The following GABRG3 variants were observed in gnomAD, a reference collection of about 807,000 sequenced individuals.
GABRG3 encodes the protein gamma-aminobutyric acid receptor subunit gamma-3.
GABRG3 carries 25 observed loss-of-function variants against 48.8 expected under a neutral mutation model. The observed-to-expected ratio is 0.51, with a 90% confidence interval of 0.37 to 0.72. The LOEUF (loss-of-function observed/expected upper bound fraction) is 0.72, where lower values mean the gene tolerates loss of function less well. Ranked by LOEUF, GABRG3 falls within the 30% of genes least tolerant of loss-of-function variation. GABRG3 has a pLI of 0.00. For synonymous variants in GABRG3, 227 were observed against 217.6 expected, an observed-to-expected ratio of 1.04 and a Z score of -0.38; for missense variants, 394 against 577.9, an observed-to-expected ratio of 0.68 and a Z score of 3.26.
At chr15:27,174,476 A>G (rs574903548) in intron 3 of GABRG3, among the ~76,000 whole-genome samples, 23 of 151,916 alleles carry the variant, frequency 1.5e-4, no homozygotes, top group Admixed American at 1.1e-3. Flanking sequence ...CAGAAAGCCT[A>G]TTGTACAGGA....
rs889728631 is a variant in GABRG3 at position 27,534,780 on chromosome 15, A to G, written c.*1899A>G. 2.0e-5 allele frequency: 3 copies of G among 152,194 alleles called. No homozygotes were observed. Among genetic ancestry groups the G allele is most frequent in the African/African-American group, 7.2e-5 (3 of 41,440 alleles). 9.4% of individuals were successfully genotyped at this position (152,194 alleles called of 1,614,324 possible). ...ATTAAGATTGTTGCATATTAAACGGATGCAAAGATATAGATATGTCTGAAT... is the reference window on the plus strand; with the variant it reads ...ATTAAGATTGTTGCATATTAAACGGGTGCAAAGATATAGATATGTCTGAAT... On this transcript the variant is annotated 3_prime_UTR_variant, in exon 10 of 10. Coordinates refer to ENST00000615808, the MANE Select transcript of GABRG3 (RefSeq NM_033223.5).
At chr15:27,272,037 G>A (rs1891108001) in intron 3 of GABRG3, among the ~76,000 whole-genome samples, 1 of 152,180 alleles carries the variant, frequency 6.6e-6, no homozygotes, top group Non-Finnish European at 1.5e-5. Flanking sequence ...TTGTTCAGTG[G>A]CACTCACAAG....
intron 2 of GABRG3, among the ~76,000 whole-genome samples, chr15:26,992,689 T>A (rs1313127541): frequency 6.6e-6 from 1 of 152,144 alleles, no homozygotes; most frequent in African/African-American, 2.4e-5. Flanking sequence ...TTTTTTTTGA[T>A]GTGTCTTTAT....
intron 9 of GABRG3, among the ~76,000 whole-genome samples, chr15:27,528,652 C>T (rs748358074): frequency 2.6e-5 from 4 of 152,134 alleles, no homozygotes; most frequent in African/African-American, 4.8e-5. Flanking sequence ...TTGGTAGTCA[C>T]GCAGGAAAAT....
intron 3 of GABRG3, among the ~76,000 whole-genome samples, chr15:27,313,029 A>G (rs912863734): frequency 2.0e-5 from 3 of 149,230 alleles, no homozygotes; most frequent in South Asian, 2.1e-4. Flanking sequence ...CTGAGAATGA[A>G]GGGTGGAAAA....
At chr15:27,482,287 A>T (rs1890117941) in intron 6 of GABRG3, among the ~76,000 whole-genome samples, 1 of 152,212 alleles carries the variant, frequency 6.6e-6, no homozygotes. Flanking sequence ...ATAATAAAAA[A>T]ATTCCCATTT....
At chr15:27,172,204 G>C (rs777646666) in intron 3 of GABRG3, among the ~76,000 whole-genome samples, 1 of 152,166 alleles carries the variant, frequency 6.6e-6, no homozygotes, top group Non-Finnish European at 1.5e-5. Flanking sequence ...GAGTGTATAC[G>C]TGGAGCAAAA....
At chr15:27,406,550 ACAT>A (rs1341967994) in intron 5 of GABRG3, among the ~76,000 whole-genome samples, 2 of 152,246 alleles carry the variant, frequency 1.3e-5, no homozygotes, top group Non-Finnish European at 2.9e-5. Flanking sequence ...CCACAAGAAA[ACAT>A]CAGGCAAAAC....
At chr15:27,027,518 A>G (rs1259523711) in intron 3 of GABRG3, among the ~76,000 whole-genome samples, 1 of 152,238 alleles carries the variant, frequency 6.6e-6, no homozygotes, top group Non-Finnish European at 1.5e-5. Context: ...GGGAATTGCC[A>G]AAATGCTGAC....
intron 3 of GABRG3, among the ~76,000 whole-genome samples, chr15:27,032,513 G>A (rs1193444295): frequency 6.6e-6 from 1 of 152,218 alleles, no homozygotes; most frequent in Non-Finnish European, 1.5e-5. Context: ...GCCTCAGGAA[G>A]CTTCCAATCA....
chr15:27,439,997 C>T (rs1888735424), intron 5 of GABRG3, among the ~76,000 whole-genome samples: 1 of 152,180 alleles, frequency 6.6e-6, no homozygotes, highest in Non-Finnish European at 1.5e-5. Flanking sequence ...CCTATGTGCA[C>T]ATCCCTGAAT....
chr15:27,063,482 A>G (rs560501039), intron 3 of GABRG3, among the ~76,000 whole-genome samples: 11 of 152,160 alleles, frequency 7.2e-5, no homozygotes, highest in Non-Finnish European at 1.3e-4. Flanking sequence ...AGTTTGCACC[A>G]GATCTGGTTG....
At chr15:27,217,426 G>T (rs1889296594) in intron 3 of GABRG3, among the ~76,000 whole-genome samples, 3 of 152,108 alleles carry the variant, frequency 2.0e-5, no homozygotes, top group Non-Finnish European at 4.4e-5. Flanking sequence ...CCCACCAGTG[G>T]GTATCATGCT....
chr15:27,316,407 A>G (rs1333894964), intron 3 of GABRG3, among the ~76,000 whole-genome samples: 1 of 151,662 alleles, frequency 6.6e-6, no homozygotes, highest in Non-Finnish European at 1.5e-5. Flanking sequence ...AAAAAAAAAA[A>G]AAGCAAAAAT....
In GABRG3 at chr15:27,179,659, G is replaced by A. The variant is rs1171763644; in HGVS notation, c.271-147150G>A. Among the ~76,000 whole-genome samples the A allele has an allele frequency of 2.0e-5, 3 of 152,122 alleles. No homozygotes were observed. Among genetic ancestry groups the A allele is most frequent in the African/African-American group, 7.2e-5 (3 of 41,394 alleles). ...AACCCTCGAGTCCTGTTGTCCTGCC[G>A]GGGGTCCATTCATCTTGTATCTTCA... On this transcript the variant is annotated intron_variant, in intron 3 of 9. Coordinates refer to ENST00000615808, the MANE Select transcript of GABRG3 (RefSeq NM_033223.5). The surrounding 1 kb of genome is among the most constrained non-coding windows in gnomAD (Gnocchi z 4.0).
rs1889316059 is a variant in GABRG3, at chr15:27,457,385, T to A, written c.575-23265T>A. On this transcript the variant is annotated intron_variant, in intron 5 of 9. Transcript: ENST00000615808. This position sits in a 1 kb window ranked among gnomAD's most constrained non-coding sequence, Gnocchi z 4.4. ...TTTGTAGAAACATCACCTTCAGACC[T>A]ACATCCATCCAAAGGCTACCTGTTC... is the stretch of plus-strand genomic sequence containing the variant. Among the ~76,000 whole-genome samples, 1 of 152,234 alleles carries A rather than the reference T, an allele frequency of 6.6e-6. No individual in the cohort carries two copies. The highest frequency in any genetic ancestry group is 1.5e-5 in the Non-Finnish European group (1 of 68,040).
rs376393971 is a variant in GABRG3, at chr15:27,342,145, A to G, written c.574+13257A>G. On this transcript the variant is annotated intron_variant, in intron 5 of 9. Transcript: ENST00000615808. ...TCCTGCTTTCCCACTGGCCTGACACAGGCCCAGCGCCAAGCAGTGGCCAAA... is the reference window on the plus strand; with the variant it reads ...TCCTGCTTTCCCACTGGCCTGACACGGGCCCAGCGCCAAGCAGTGGCCAAA... Among the ~76,000 whole-genome samples, 216 of 152,310 alleles carry G rather than the reference A, an allele frequency of 1.4e-3. 1 individual carries two copies. Among genetic ancestry groups the G allele is most frequent in the African/African-American group, 5.0e-3 (206 of 41,578 alleles).
At chr15:27,008,116 G>A (rs987385193) in intron 2 of GABRG3, among the ~76,000 whole-genome samples, 4 of 152,062 alleles carry the variant, frequency 2.6e-5, no homozygotes, top group Admixed American at 2.6e-4. Flanking sequence ...CCCAGCATAT[G>A]GGCCTTTTAA....
intron 3 of GABRG3, among the ~76,000 whole-genome samples, chr15:27,198,376 C>G (rs771740275): frequency 1.1e-4 from 17 of 152,050 alleles, no homozygotes; most frequent in African/African-American, 1.7e-4. Flanking sequence ...ATTTGTGTGG[C>G]CAAAAAACAT....
Sources: gnomAD v4.1 joint callset for allele counts (sites outside exome capture counted in the v4.1 genomes callset) on GRCh38, gnomAD v4.1.1 for gene constraint, Gnocchi (gnomAD v3.1) non-coding constraint, MANE v1.5 for transcripts, NCBI Gene and HGNC (gene_info 2026-07-23, HGNC 2026-07-21) for gene names.